Variants in POMGNT2 observed in about 807,000 individuals in gnomAD.
POMGNT2 encodes the protein protein O-linked mannose N-acetylglucosaminyltransferase 2 (beta 1,4-), also known as protein O-linked-mannose beta-1,4-N-acetylglucosaminyltransferase 2.
POMGNT2 carries 32 observed loss-of-function variants against 37.8 expected under a neutral mutation model. The observed-to-expected ratio is 0.85, with a 90% CI of 0.64 to 1.14. The LOEUF is 1.14. Ranked by LOEUF, POMGNT2 falls within the 50% of genes most tolerant of loss-of-function variation. The pLI is 0.00. For synonymous variants in POMGNT2, 340 were observed against 336.8 expected, an observed-to-expected ratio of 1.01 and a Z score of -0.10; for missense variants, 705 against 780.6, an observed-to-expected ratio of 0.90 and a Z score of 1.15.
chr3:43,095,852 G>A (rs879382258), intron 1 of POMGNT2, among the ~76,000 whole-genome samples: 2 of 152,098 alleles, frequency 1.3e-5, no homozygotes, highest in Non-Finnish European at 2.9e-5. Flanking sequence ...AATCAGGGAG[G>A]AGCGAGCCCA....
At chr3:43,081,736 T>C (rs1431263360) in intron 1 of POMGNT2, among the ~76,000 whole-genome samples, 200 bp from the exon 2 acceptor site, 2 of 152,324 alleles carry the variant, frequency 1.3e-5, no homozygotes, top group South Asian at 4.1e-4. Flanking sequence ...ATCGCCTCCA[T>C]GTTGGAAAGT....
chr3:43,103,781 G>T (rs951753142), intron 1 of POMGNT2, among the ~76,000 whole-genome samples: 1 of 152,156 alleles, frequency 6.6e-6, no homozygotes, highest in African/African-American at 2.4e-5. Flanking sequence ...GCCAGGATAT[G>T]AATTCCCATC....
At chr3:43,105,516 A>G (rs1050010373) in intron 1 of POMGNT2, among the ~76,000 whole-genome samples, 2 of 151,818 alleles carry the variant, frequency 1.3e-5, no homozygotes, top group Admixed American at 1.3e-4. Context: ...GCCTGCCACG[A>G]GCTGAGGGCT....
At chr3:43,104,158 G>C (rs2090039919) in intron 1 of POMGNT2, among the ~76,000 whole-genome samples, 1 of 152,152 alleles carries the variant, frequency 6.6e-6, no homozygotes, top group African/African-American at 2.4e-5. Flanking sequence ...TAAGTAGAGG[G>C]GTTAGGATTC....
In POMGNT2 at chr3:43,098,186, T is replaced by C. The variant is rs1241090101; in HGVS notation, c.-106+7650A>G. ...CCAATTGAAAATTATAGAAATCTTATTTTGTCACTGAAAAGTGTTTTTGTC... is the reference window on the plus strand; with the variant it reads ...CCAATTGAAAATTATAGAAATCTTACTTTGTCACTGAAAAGTGTTTTTGTC... On this transcript the variant is annotated intron_variant, in intron 1 of 1. Transcript: ENST00000344697. This position sits in a 1 kb window ranked among gnomAD's most constrained non-coding sequence, Gnocchi z 4.3. Among the ~76,000 whole-genome samples, 1 of 152,254 alleles carries C rather than the reference T, an allele frequency of 6.6e-6. No homozygotes were observed. Among genetic ancestry groups the C allele is most frequent in the Non-Finnish European group, 1.5e-5 (1 of 68,052 alleles).
chr3:43,092,953 A>G (rs1192176024), intron 1 of POMGNT2, among the ~76,000 whole-genome samples: 2 of 152,250 alleles, frequency 1.3e-5, no homozygotes, highest in Non-Finnish European at 2.9e-5. Flanking sequence ...TGCCCGGATC[A>G]AAGAATAGCT....
intron 1 of POMGNT2, among the ~76,000 whole-genome samples, chr3:43,086,768 T>C (rs1176497911): frequency 6.6e-6 from 1 of 152,150 alleles, no homozygotes; most frequent in Non-Finnish European, 1.5e-5. Context: ...GCAATAAACA[T>C]AAGCCCAGCT....
chr3:43,094,083 G>C (rs1003047657), intron 1 of POMGNT2, among the ~76,000 whole-genome samples: 4 of 152,198 alleles, frequency 2.6e-5, no homozygotes, highest in African/African-American at 9.6e-5. Flanking sequence ...CAAGCAATTG[G>C]GCAGTCAGTG....
chr3:43,102,053 C>T (rs950710445), intron 1 of POMGNT2, among the ~76,000 whole-genome samples: 3 of 151,964 alleles, frequency 2.0e-5, no homozygotes, highest in African/African-American at 4.8e-5. Flanking sequence ...GTAGGTCCCC[C>T]GAGAAAGAAG....
At chr3:43,091,881 A>G (rs181258926) in intron 1 of POMGNT2, among the ~76,000 whole-genome samples, 24 of 152,352 alleles carry the variant, frequency 1.6e-4, no homozygotes, top group African/African-American at 5.3e-4. Flanking sequence ...TAAGGTCTGT[A>G]GGTTAGCTAA....
Position 43,080,198 on chromosome 3 carries a change from CCT to C in POMGNT2, c.1232_1233del (p.Gln411ArgfsTer10), listed in dbSNP as rs747569790. On this transcript the variant is annotated frameshift_variant, in exon 2 of 2. Coordinates refer to ENST00000344697, the MANE Select transcript of POMGNT2 (RefSeq NM_032806.6). LOFTEE classifies it high-confidence loss of function. ...GCCCGGTCCAGATGGGTGATGCCCC[CCT>C]GATCCCAGGGCCGCTCAGGGTGTGT... is the stretch of plus-strand genomic sequence containing the variant. ...TVTHPERPWDQGGITHLDRAE... is the reference protein window; with the variant it reads ...TVTHPERPWDXGGITHLDRAE... The C allele has an allele frequency of 1.3e-5, 21 of 1,613,950 alleles. No individual in the cohort carries two copies. Among genetic ancestry groups the C allele is most frequent in the Middle Eastern group, 1.6e-4 (1 of 6,084 alleles).
rs1255053102 is a variant in POMGNT2, at chr3:43,079,630, G to A, written c.*59C>T. Reference sequence around the variant, plus strand: ...AGAAGTCTCCACAGTGGGATTAATGGGCCCAGGGACGCTGAACTGCAGGAG... The same window carrying A: ...AGAAGTCTCCACAGTGGGATTAATGAGCCCAGGGACGCTGAACTGCAGGAG... On this transcript the variant is annotated 3_prime_UTR_variant, in exon 2 of 2. Transcript: ENST00000344697. 8.9e-6 allele frequency: 13 copies of A among 1,467,784 alleles called. No homozygotes were observed. Among genetic ancestry groups the A allele is most frequent in the African/African-American group, 1.4e-5 (1 of 71,320 alleles). The allele number at this position is 1,467,784 out of a possible 1,614,324, so 90.9% of individuals were successfully genotyped here. A position where few individuals can be genotyped will look rare whatever the true frequency, so the allele number is the denominator to read the frequency against.
At chr3:43,099,086 G>C (rs1017681367) in intron 1 of POMGNT2, among the ~76,000 whole-genome samples, 1 of 152,104 alleles carries the variant, frequency 6.6e-6, no homozygotes. Flanking sequence ...GCTCACAAAG[G>C]TAATGGAGAA....
At chr3:43,104,579 G>T (rs1466948613) in intron 1 of POMGNT2, among the ~76,000 whole-genome samples, 1 of 152,162 alleles carries the variant, frequency 6.6e-6, no homozygotes, top group Non-Finnish European at 1.5e-5. Flanking sequence ...TGGGGATGAG[G>T]GGACCTATGC....
At chr3:43,090,415 T>C (rs774524109) in intron 1 of POMGNT2, 1 of 152,262 alleles carries the variant, frequency 6.6e-6, no homozygotes, top group Non-Finnish European at 1.5e-5. Flanking sequence ...ACTACTGTGC[T>C]GAACTACATT....
Position 43,080,639 on chromosome 3 carries a change from G to A in POMGNT2, c.793C>T (p.Arg265Trp), listed in dbSNP as rs753736893. Residue 265 changes from arginine to tryptophan, a missense_variant, in exon 2 of 2, where the codon CGG becomes TGG. By Grantham distance (101) the Arg-to-Trp change is moderately radical (BLOSUM62 -3). Coordinates refer to ENST00000344697, the MANE Select transcript of POMGNT2 (RefSeq NM_032806.6). ...ANILVSGNEI[R>W]QFARFMTEKL... Reference sequence around the variant, plus strand: ...TCTGTCATGAACCGTGCAAACTGCCGGATCTCATTGCCTGAGACGAGGATG... The same window carrying A: ...TCTGTCATGAACCGTGCAAACTGCCAGATCTCATTGCCTGAGACGAGGATG... The A allele has an allele frequency of 2.4e-5, 39 of 1,614,106 alleles. No individual in the cohort carries two copies. The highest frequency in any genetic ancestry group is 3.1e-5 in the Non-Finnish European group (36 of 1,180,048).
chr3:43,090,482 A>G (rs1174454224), intron 1 of POMGNT2: 1 of 152,166 alleles, frequency 6.6e-6, no homozygotes, highest in African/African-American at 2.4e-5. Context: ...ATAAGAACCA[A>G]CTAACCTTAC....
At chr3:43,084,648 CAAAA>C (rs58875803) in intron 1 of POMGNT2, among the ~76,000 whole-genome samples, 3 of 117,156 alleles carry the variant, frequency 2.6e-5, no homozygotes, top group Admixed American at 8.8e-5. Flanking sequence ...GACTCCGTCT[CAAAA>C]AAAAAAAAAA....
chr3:43,080,749 C>A lies in POMGNT2; in HGVS notation c.683G>T (p.Cys228Phe), dbSNP rs1184118539. ...GAGGCCCACAAAAGCATGGGAGAAG[C>A]ACAGCAGCCGGCCCAGGGTCTTCAG... The part of the protein sequence containing the change: ...AQLKTLGRLL[C>F]FSHAFVGLSK... The change falls in exon 2 of 2, where the codon TGC becomes TTC. Residue 228 changes from cysteine to phenylalanine, a missense_variant. By Grantham distance (205) the Cys-to-Phe change is radical. Transcript: ENST00000344697. 2 of 1,613,976 alleles carry A rather than the reference C, an allele frequency of 1.2e-6. No homozygotes were observed. Among genetic ancestry groups the A allele is most frequent in the Non-Finnish European group, 1.7e-6 (2 of 1,180,056 alleles).
Sources: allele counts gnomAD v4.1 joint callset (sites outside exome capture counted in the v4.1 genomes callset), GRCh38; gene constraint gnomAD v4.1.1; non-coding constraint Gnocchi (gnomAD v3.1); transcripts MANE v1.5; gene names NCBI Gene and HGNC (gene_info 2026-07-23, HGNC 2026-07-21).